Variants in RBFOX1 observed in about 807,000 individuals in gnomAD.
The protein encoded by RBFOX1 is RNA binding fox-1 homolog 1, also known as RNA binding protein fox-1 homolog 1.
In RBFOX1, 8 loss-of-function variants were observed where a neutral mutation model predicts 57.7. That is an observed-to-expected ratio of 0.14 (90% confidence interval 0.08 to 0.25). The LOEUF (loss-of-function observed/expected upper bound fraction) is 0.25, where lower values mean the gene tolerates loss of function less well. RBFOX1 is among the 10% of genes least tolerant of loss of function. RBFOX1 has a pLI of 1.00. For synonymous variants in RBFOX1, 326 were observed against 222.4 expected (o/e 1.47, Z -4.15); for missense variants, 611 against 548.5 (o/e 1.11, Z -1.14).
intron 1 of RBFOX1, among the ~76,000 whole-genome samples, chr16:5,440,055 G>A (rs1175332199): frequency 6.6e-6 from 1 of 152,112 alleles, no homozygotes; most frequent in East Asian, 1.9e-4. Flanking sequence ...ATGGGGAGAT[G>A]ATAAAATATT....
At chr16:6,246,821 CA>C (rs1273984298) in intron 1 of RBFOX1, among the ~76,000 whole-genome samples, 1 of 152,138 alleles carries the variant, frequency 6.6e-6, no homozygotes, top group Non-Finnish European at 1.5e-5. Flanking sequence ...ATAATCCCAG[CA>C]CTTTAGATGG....
At chr16:5,514,514 G>A (rs2043719550) in intron 2 of RBFOX1, among the ~76,000 whole-genome samples, 1 of 152,162 alleles carries the variant, frequency 6.6e-6, no homozygotes, top group South Asian at 2.1e-4. Context: ...AGTGAGAGGA[G>A]CCATGAGTGA....
At chr16:7,634,195 G>C (rs1041803976) in intron 11 of RBFOX1, among the ~76,000 whole-genome samples, 2 of 152,152 alleles carry the variant, frequency 1.3e-5, no homozygotes, top group African/African-American at 4.8e-5. Context: ...GGATGCTCTT[G>C]TTTTTTAACT....
intron 1 of RBFOX1, among the ~76,000 whole-genome samples, chr16:6,183,213 G>C (rs1194775422): frequency 6.6e-6 from 1 of 152,018 alleles, no homozygotes; most frequent in East Asian, 1.9e-4. Context: ...GGGTTCAATG[G>C]CCTACACCTG....
intron 3 of RBFOX1, among the ~76,000 whole-genome samples, chr16:6,825,319 T>C (rs1210916341): frequency 6.6e-6 from 1 of 151,542 alleles, no homozygotes; most frequent in Non-Finnish European, 1.5e-5. Flanking sequence ...CATGTTCCCC[T>C]GGGGACAAAA....
intron 4 of RBFOX1, among the ~76,000 whole-genome samples, chr16:5,996,176 C>A (rs879709108): frequency 6.6e-6 from 1 of 152,128 alleles, no homozygotes; most frequent in Non-Finnish European, 1.5e-5. Flanking sequence ...CATAAACATT[C>A]AGACCATAAC....
intron 1 of RBFOX1, among the ~76,000 whole-genome samples, chr16:5,292,468 G>C (rs543359162): frequency 6.6e-6 from 1 of 152,144 alleles, no homozygotes; most frequent in Non-Finnish European, 1.5e-5. Context: ...TTAATCCACA[G>C]CTCCAGTCTG....
chr16:6,730,208 C>A (rs1408059610), intron 3 of RBFOX1, among the ~76,000 whole-genome samples: 1 of 152,048 alleles, frequency 6.6e-6, no homozygotes, highest in Non-Finnish European at 1.5e-5. Context: ...GACATAGGAA[C>A]AAAGCCTGAG....
At chr16:6,607,848 A>G (rs956948402) in intron 2 of RBFOX1, among the ~76,000 whole-genome samples, 1 of 152,202 alleles carries the variant, frequency 6.6e-6, no homozygotes, top group African/African-American at 2.4e-5. Flanking sequence ...AACATGACTT[A>G]CATCCTCATT....
rs543564165 is a variant in RBFOX1, at chr16:5,838,841, A to G, written c.319-28462A>G. Among the ~76,000 whole-genome samples, 108 of 152,290 alleles carry G rather than the reference A, an allele frequency of 7.1e-4. 1 individual carries two copies. The highest frequency in any genetic ancestry group is 2.5e-3 in the African/African-American group (103 of 41,560). ...GTGAACTAAGCACTTTTTGCAGACTACCTCAGTGAGCTCTCACACCATTTT... is the reference window on the plus strand; with the variant it reads ...GTGAACTAAGCACTTTTTGCAGACTGCCTCAGTGAGCTCTCACACCATTTT... On this transcript the variant is annotated intron_variant, in intron 3 of 19. Transcript: ENST00000641259.
At chr16:5,376,298 G>T (rs2065981367) in intron 1 of RBFOX1, among the ~76,000 whole-genome samples, 1 of 152,158 alleles carries the variant, frequency 6.6e-6, no homozygotes, top group Non-Finnish European at 1.5e-5. Context: ...GTGCTGCTGA[G>T]TCCTACCCTC....
intron 4 of RBFOX1, among the ~76,000 whole-genome samples, chr16:7,056,049 T>C (rs561402933): frequency 1.9e-4 from 29 of 152,270 alleles, no homozygotes; most frequent in Admixed American, 1.8e-3. Context: ...CCTTGTGTAA[T>C]TTGGACTGCA....
At chr16:6,682,916 G>C (rs1474915678) in intron 3 of RBFOX1, among the ~76,000 whole-genome samples, 1 of 146,554 alleles carries the variant, frequency 6.8e-6, no homozygotes, top group Non-Finnish European at 1.5e-5. Flanking sequence ...AAAAAACTAT[G>C]AGAGCCAAAA....
chr16:5,454,846 TTTCTTTCTTTTCTTTCTTTCTTTC>T lies in RBFOX1; in HGVS notation c.220-12367_220-12344del, dbSNP rs1295206721. Among the ~76,000 whole-genome samples the T allele has an allele frequency of 1.7e-3, 230 of 134,340 alleles. 1 individual carries two copies. The highest frequency in any genetic ancestry group is 2.7e-3 in the Non-Finnish European group (170 of 62,776). 88.1% of individuals were successfully genotyped at this position (134,340 alleles called of 152,430 possible). A position where few individuals can be genotyped will look rare whatever the true frequency, so the allele number is the denominator to read the frequency against. ...TTCTTTCCTTGCTTTCTTTCCTTTC[TTTCTTTCTTTTCTTTCTTTCTTTC>T]TTTCTTTCTTTCTTTCTTTCTTTCT... On this transcript the variant is annotated intron_variant, in intron 1 of 2. Transcript: ENST00000585867.
At chr16:5,510,978 C>G (rs2043564315) in intron 2 of RBFOX1, among the ~76,000 whole-genome samples, 1 of 152,104 alleles carries the variant, frequency 6.6e-6, no homozygotes, top group South Asian at 2.1e-4. Flanking sequence ...ATCCACATGA[C>G]TATTATTTTT....
intron 2 of RBFOX1, among the ~76,000 whole-genome samples, chr16:5,558,003 C>G (rs1224542761): frequency 1.3e-5 from 2 of 152,130 alleles, no homozygotes; most frequent in African/African-American, 2.4e-5. Flanking sequence ...TGGTCAGAGA[C>G]TCGCCACTGG....
chr16:6,352,307 A>G, intron 2 of RBFOX1, among the ~76,000 whole-genome samples: 1 of 152,154 alleles, frequency 6.6e-6, no homozygotes, highest in Non-Finnish European at 1.5e-5. Flanking sequence ...TGCTAGGACC[A>G]TTGTACCTAA....
rs371299731 is a variant in RBFOX1 at position 7,118,837 on chromosome 16, A to G, written c.27+66739A>G. 9.7e-4 allele frequency among the ~76,000 whole-genome samples: 148 copies of G among 152,306 alleles called. 1 individual carries two copies. Among genetic ancestry groups the G allele is most frequent in the South Asian group, 9.5e-3 (46 of 4,818 alleles). The stretch of plus-strand genomic sequence containing the variant: ...TGAAGAATTACCAGGGCACCGAAAG[A>G]GAGAATGGAAGCATATACCAAATAG... On this transcript the variant is annotated intron_variant, in intron 4 of 15. Transcript: ENST00000550418.
chr16:6,511,823 C>A (rs1598566748), intron 2 of RBFOX1, among the ~76,000 whole-genome samples: 1 of 152,190 alleles, frequency 6.6e-6, no homozygotes. Flanking sequence ...AGTATCTAGA[C>A]TTGAAGTCAC....
Sources: allele counts gnomAD v4.1 joint callset (sites outside exome capture counted in the v4.1 genomes callset), GRCh38; gene constraint gnomAD v4.1.1; transcripts MANE v1.5; gene names NCBI Gene and HGNC (gene_info 2026-07-23, HGNC 2026-07-21).